The following ZNF235 variants were observed in gnomAD, a reference collection of about 807,000 sequenced individuals.
ZNF235 encodes the protein zfp-93.
In ZNF235, 25 loss-of-function variants were observed where a neutral mutation model predicts 29.4. The observed-to-expected ratio is 0.85, with a 90% confidence interval of 0.62 to 1.19. The LOEUF is 1.19. Ranked by LOEUF, ZNF235 falls within the 50% of genes most tolerant of loss-of-function variation. The pLI is 0.00. For missense variants in ZNF235, 788 were observed against 885.0 expected (o/e 0.89, Z 1.39); for synonymous variants, 300 against 295.3 (o/e 1.02, Z -0.16).
chr19:44,299,463 C>A lies in ZNF235; in HGVS notation c.142+143G>T, dbSNP rs184164370. ...CTCTGAGCAGTCCCAAAGCCTTGAA[C>A]AAGGGGACAGAGGCCAGGGATGCCA... On this transcript the variant is annotated intron_variant, in intron 3 of 4. Coordinates refer to ENST00000291182, the MANE Select transcript of ZNF235 (RefSeq NM_004234.4). The A allele has an allele frequency of 1.5e-4, 152 of 1,011,102 alleles. No homozygotes were observed. In the African/African-American group the frequency reaches 1.8e-3, roughly 12 times the overall value. 62.6% of individuals were successfully genotyped at this position (1,011,102 alleles called of 1,614,324 possible).
At position 44,287,964 on chromosome 19, in the gene ZNF235, C is replaced by G. The variant is rs1486137809; in HGVS notation, c.1471G>C (p.Glu491Gln). The G allele has an allele frequency of 1.2e-6, 2 of 1,614,072 alleles. No individual in the cohort carries two copies. The change falls in exon 5 of 5, where the codon GAG (glutamate) becomes CAG (glutamine). Residue 491 changes from glutamate to glutamine, a missense_variant. Coordinates refer to ENST00000291182, the MANE Select transcript of ZNF235 (RefSeq NM_004234.4). ...HTGEKPYKCE[E>Q]CGKGFSSASS... ...GCTGAACTAAAACCCTTACCACACT[C>G]TTCACATTTATATGGTTTTTCTCCT...
intron 2 of ZNF235, among the ~76,000 whole-genome samples, chr19:44,302,406 T>G (rs1460186265): frequency 6.6e-6 from 1 of 152,046 alleles, no homozygotes; most frequent in Admixed American, 6.6e-5. Flanking sequence ...AAATTCGAAA[T>G]TGTACCTAAA....
At position 44,286,928 on chromosome 19, in the gene ZNF235, G is replaced by T. The variant is rs1356308997; in HGVS notation, c.*290C>A. On this transcript the variant is annotated 3_prime_UTR_variant, in exon 5 of 5. Transcript: ENST00000291182. ...AAGGCCTCTCTCCTGTGCAGACTCC[G>T]ACAAGACTTTTCTGCTGTGTTACAT... The T allele has an allele frequency of 1.7e-5, 5 of 289,756 alleles. No homozygotes were observed. The highest frequency in any genetic ancestry group is 3.2e-5 in the Non-Finnish European group (5 of 155,698). The allele number at this position is 289,756 out of a possible 1,614,324, so 17.9% of individuals were successfully genotyped here. A position where few individuals can be genotyped will look rare whatever the true frequency, so the allele number is the denominator to read the frequency against.
Position 44,287,453 on chromosome 19 carries a change from C to T in ZNF235, c.1982G>A (p.Gly661Glu), listed in dbSNP as rs1396722092. ...GEKPFKCEEC[G>E]KEFSWSAGLS... ...ACCAGCACTCCAACTGAATTCTTTCCCACATTCCTCACATTTAAATGGTTT... is the reference window on the plus strand; with the variant it reads ...ACCAGCACTCCAACTGAATTCTTTCTCACATTCCTCACATTTAAATGGTTT... The change falls in exon 5 of 5, where the codon GGG becomes GAG. Residue 661 changes from glycine to glutamate, a missense_variant. Gly to Glu is a moderately conservative substitution (Grantham distance 98). Coordinates refer to ENST00000291182, the MANE Select transcript of ZNF235 (RefSeq NM_004234.4). 1.2e-6 allele frequency: 2 copies of T among 1,613,938 alleles called. No individual in the cohort carries two copies. The highest frequency in any genetic ancestry group is 1.7e-6 in the Non-Finnish European group (2 of 1,180,018).
At chr19:44,299,868 T>C (rs1430018631) in intron 2 of ZNF235, 136 bp from the exon 3 acceptor site, 2 of 1,344,612 alleles carry the variant, frequency 1.5e-6, no homozygotes, top group African/African-American at 2.9e-5. Flanking sequence ...GGAAAACACC[T>C]TGTACATGTA....
At chr19:44,289,742 A>G (rs896459862) in intron 4 of ZNF235, 2 of 152,296 alleles carry the variant, frequency 1.3e-5, no homozygotes, top group African/African-American at 2.4e-5. Flanking sequence ...TTCTTTGCCT[A>G]TAAGAATGGT....
rs756389661 is a variant in ZNF235, at chr19:44,287,169, G to A, written c.*49C>T. On this transcript the variant is annotated 3_prime_UTR_variant, in exon 5 of 5. Coordinates refer to ENST00000291182, the MANE Select transcript of ZNF235 (RefSeq NM_004234.4). Reference sequence around the variant, plus strand: ...AATCATCAGCATGGACTTCCCAACGGAGACAAAGATGTGAGCTCTAACTGA... The same window carrying A: ...AATCATCAGCATGGACTTCCCAACGAAGACAAAGATGTGAGCTCTAACTGA... 11 of 1,511,304 alleles carry A rather than the reference G, an allele frequency of 7.3e-6. No homozygotes were observed. The highest frequency in any genetic ancestry group is 1.8e-4 in the Middle Eastern group (1 of 5,460). The allele number at this position is 1,511,304 out of a possible 1,614,324, so 93.6% of individuals were successfully genotyped here. A position where few individuals can be genotyped will look rare whatever the true frequency, so the allele number is the denominator to read the frequency against.
At chr19:44,298,627 C>T (rs1395503819) in intron 4 of ZNF235, among the ~76,000 whole-genome samples, 181 bp downstream of exon 4, 1 of 152,204 alleles carries the variant, frequency 6.6e-6, no homozygotes. Flanking sequence ...GAACTCCTGA[C>T]CTCAAGTGAT....
chr19:44,287,534 T>C lies in ZNF235; in HGVS notation c.1901A>G (p.Lys634Arg). 1 of 1,614,166 alleles carries C rather than the reference T, an allele frequency of 6.2e-7. No individual in the cohort carries two copies. Among genetic ancestry groups the C allele is most frequent in the South Asian group, 1.1e-5 (1 of 91,080 alleles). ...AAGATTTGACCTCTGGCTGAAGGCC[T>C]TACCACAAGTGTCACATTTATATGG... ...EKPYKCDTCGKAFSQRSNLQV... is the reference protein window; with the variant it reads ...EKPYKCDTCGRAFSQRSNLQV... The change falls in exon 5 of 5, where the codon AAG (lysine) becomes AGG (arginine). Residue 634 changes from lysine (K) to arginine (R), a missense_variant. Coordinates refer to ENST00000291182, the MANE Select transcript of ZNF235 (RefSeq NM_004234.4).
intron 4 of ZNF235, 141 bp from the exon 5 acceptor site, chr19:44,289,337 C>G: frequency 1.3e-6 from 1 of 746,290 alleles, no homozygotes; most frequent in Non-Finnish European, 2.0e-6. Context: ...TATAGGAACT[C>G]TGAAAAGCAG....
At chr19:44,303,211 A>G (rs1482299687) in intron 2 of ZNF235, among the ~76,000 whole-genome samples, 179 bp downstream of exon 2, 1 of 148,176 alleles carries the variant, frequency 6.7e-6, no homozygotes, top group Non-Finnish European at 1.5e-5. Flanking sequence ...TAACAGATAT[A>G]TATATATCTC....
intron 3 of ZNF235, 93 bp from the exon 4 acceptor site, chr19:44,298,996 C>T (rs985647757): frequency 1.1e-5 from 9 of 810,300 alleles, no homozygotes; most frequent in Admixed American, 2.4e-5. Context: ...TCCTCCCTGC[C>T]CCAGCATGCA....
At chr19:44,295,190 T>C (rs966997686) in intron 4 of ZNF235, among the ~76,000 whole-genome samples, 1 of 152,076 alleles carries the variant, frequency 6.6e-6, no homozygotes, top group African/African-American at 2.4e-5. Context: ...TACAAATCCC[T>C]AAAGACTCCT....
rs1463576142 is a variant in ZNF235 at position 44,287,874 on chromosome 19, C to T, written c.1561G>A (p.Gly521Arg). ...TATGAACTCTGACTGAAGCCTTTCCCACACACGTTGCATCGAAATGGTTTC... is the reference window on the plus strand; with the variant it reads ...TATGAACTCTGACTGAAGCCTTTCCTACACACGTTGCATCGAAATGGTTTC... ...GEKPFRCNVC[G>R]KGFSQSSYFQ... The change falls in exon 5 of 5, where the codon GGG becomes AGG. Residue 521 changes from glycine (G) to arginine (R), a missense_variant. Transcript: ENST00000291182. The T allele has an allele frequency of 6.2e-7, 1 of 1,614,010 alleles. No homozygotes were observed.
chr19:44,299,851 G>A (rs1975710017), intron 2 of ZNF235, 119 bp from the exon 3 acceptor site: 1 of 1,517,612 alleles, frequency 6.6e-7, no homozygotes, highest in African/African-American at 1.4e-5. Flanking sequence ...AATGCTAGGG[G>A]GAAGAAGGAA....
At position 44,286,939 on chromosome 19, in the gene ZNF235, T is replaced by A. The variant is rs1975493065; in HGVS notation, c.*279A>T. ...CCTGTGCAGACTCCGACAAGACTTT[T>A]CTGCTGTGTTACATCTTGAGAACCG... On this transcript the variant is annotated 3_prime_UTR_variant, in exon 5 of 5. Transcript: ENST00000291182. 1.5e-5 allele frequency: 5 copies of A among 324,424 alleles called. No homozygotes were observed. Among genetic ancestry groups the A allele is most frequent in the Non-Finnish European group, 2.8e-5 (5 of 177,824 alleles). 20.1% of individuals were successfully genotyped at this position (324,424 alleles called of 1,614,324 possible).
In ZNF235 at chr19:44,299,607, C is replaced by T. The variant is rs1054455649; in HGVS notation, c.141G>A (p.Val47=). The T allele has an allele frequency of 1.9e-6, 3 of 1,613,910 alleles. No homozygotes were observed. The highest frequency in any genetic ancestry group is 2.5e-6 in the Non-Finnish European group (3 of 1,179,898). The change falls in exon 3 of 5, where the codon GTG becomes GTA. Residue 47 remains valine, a splice_region_variant and synonymous_variant. Coordinates refer to ENST00000291182, the MANE Select transcript of ZNF235 (RefSeq NM_004234.4). The part of the protein sequence containing the change: ...MLENFRNLVS[V]GHQSFKPDMI... ...ATTACAGAGGGTGCCTGTCCTTACCCACTGAAACCAGGTTCCTAAAGTTCT... is the reference window on the plus strand; with the variant it reads ...ATTACAGAGGGTGCCTGTCCTTACCTACTGAAACCAGGTTCCTAAAGTTCT...
intron 2 of ZNF235, among the ~76,000 whole-genome samples, chr19:44,301,803 T>G (rs1023772191): frequency 1.3e-5 from 2 of 152,146 alleles, no homozygotes; most frequent in African/African-American, 4.8e-5. Flanking sequence ...GCTTAGGCAC[T>G]GGAAGCTTTA....
At chr19:44,300,524 C>A (rs1209760480) in intron 2 of ZNF235, among the ~76,000 whole-genome samples, 1 of 151,996 alleles carries the variant, frequency 6.6e-6, no homozygotes, top group Non-Finnish European at 1.5e-5. Context: ...AGATCTTAGC[C>A]AGCTCGTATG....
Sources: allele counts gnomAD v4.1 joint callset (sites outside exome capture counted in the v4.1 genomes callset), GRCh38; gene constraint gnomAD v4.1.1; transcripts MANE v1.5; gene names NCBI Gene and HGNC (gene_info 2026-07-23, HGNC 2026-07-21).